MICAL3: variants seen among roughly 807,000 people sequenced by gnomAD.
The protein encoded by MICAL3 is [F-actin]-monooxygenase MICAL3.
In MICAL3, 62 loss-of-function variants were observed where a neutral mutation model predicts 207.4. That is an observed-to-expected ratio of 0.30 (90% CI 0.24 to 0.37). MICAL3 has a LOEUF of 0.37. Ranked by LOEUF, MICAL3 falls within the 10% of genes least tolerant of loss-of-function variation. The pLI, the probability that MICAL3 is intolerant of heterozygous loss-of-function variation, is 1.00. For missense variants in MICAL3, 2,368 were observed against 2,635.6 expected (o/e 0.90, Z 2.22); for synonymous variants, 1,077 against 1,069.3 (o/e 1.01, Z -0.14).
intron 1 of MICAL3, among the ~76,000 whole-genome samples, chr22:17,937,987 T>A (rs1388056444): frequency 6.6e-6 from 1 of 152,232 alleles, no homozygotes; most frequent in Non-Finnish European, 1.5e-5. Flanking sequence ...AAACATCCCT[T>A]TCTTGCAAGG....
At chr22:17,993,313 C>A (rs1386407005) in intron 1 of MICAL3, among the ~76,000 whole-genome samples, 1 of 151,810 alleles carries the variant, frequency 6.6e-6, no homozygotes. Context: ...AGGTTTGTTA[C>A]ATAGGTATAC....
chr22:17,936,666 C>T (rs771031171), intron 1 of MICAL3, among the ~76,000 whole-genome samples: 5 of 151,890 alleles, frequency 3.3e-5, no homozygotes, highest in Non-Finnish European at 5.9e-5. Context: ...TCTGTCAATG[C>T]CCACCTAAAG....
chr22:17,897,115 C>G, intron 7 of MICAL3, 134 bp from the exon 8 acceptor site: 1 of 924,780 alleles, frequency 1.1e-6, no homozygotes, highest in African/African-American at 1.7e-5. Context: ...AACTTTTATA[C>G]CATTAAAATG....
Position 17,892,348 on chromosome 22 carries a change from CA to C in MICAL3, c.1547-717del, listed in dbSNP as rs554429966. ...TCTTTAAAAATCCTATTATTAATCACATCAGAAGAGCTCTGATATCGGCCAT... is the reference window on the plus strand; with the variant it reads ...TCTTTAAAAATCCTATTATTAATCACTCAGAAGAGCTCTGATATCGGCCAT... On this transcript the variant is annotated intron_variant, in intron 11 of 31. Coordinates refer to ENST00000441493, the MANE Select transcript of MICAL3 (RefSeq NM_015241.3). Among the ~76,000 whole-genome samples, 134 of 152,324 alleles carry C rather than the reference CA, an allele frequency of 8.8e-4. 2 individuals are homozygous for C. The East Asian group carries it at 0.014, about 16-fold the overall frequency.
At chr22:17,856,519 T>C (rs1378280696) in intron 19 of MICAL3, among the ~76,000 whole-genome samples, 1 of 151,508 alleles carries the variant, frequency 6.6e-6, no homozygotes, top group Non-Finnish European at 1.5e-5. Flanking sequence ...CCAACGCCAA[T>C]GCCCCAAGAA....
At chr22:17,808,227 A>G (rs2062007996) in intron 29 of MICAL3, among the ~76,000 whole-genome samples, 1 of 152,246 alleles carries the variant, frequency 6.6e-6, no homozygotes, top group African/African-American at 2.4e-5. Flanking sequence ...AGTCACGAGC[A>G]CAGGGCCCTG....
chr22:17,875,881 G>C (rs902377661), intron 16 of MICAL3, among the ~76,000 whole-genome samples: 1 of 152,124 alleles, frequency 6.6e-6, no homozygotes, highest in East Asian at 1.9e-4. Context: ...CAGGGGGATG[G>C]CTTGTCGACT....
intron 1 of MICAL3, among the ~76,000 whole-genome samples, chr22:17,911,563 T>C (rs1932146204): frequency 6.6e-6 from 1 of 152,162 alleles, no homozygotes; most frequent in Admixed American, 6.5e-5. Flanking sequence ...CCAGGTGAGG[T>C]GGCTCATGCC....
intron 23 of MICAL3, among the ~76,000 whole-genome samples, chr22:17,822,729 C>G (rs532638795): frequency 6.6e-6 from 1 of 152,366 alleles, no homozygotes; most frequent in South Asian, 2.1e-4. Flanking sequence ...CAGGTTGGCT[C>G]AGGCACCCAG....
intron 17 of MICAL3, 117 bp from the exon 18 acceptor site, chr22:17,866,129 AC>A (rs1414058803): frequency 2.6e-6 from 2 of 761,268 alleles, no homozygotes; most frequent in African/African-American, 1.7e-5. Flanking sequence ...CCATCAAGCC[AC>A]CCAGCCTTCC....
At chr22:17,904,895 G>T (rs934542551) in intron 2 of MICAL3, 56 bp from the exon 3 acceptor site, 38 of 1,255,896 alleles carry the variant, frequency 3.0e-5, no homozygotes, top group Non-Finnish European at 3.8e-5. Context: ...CAATTCTCAA[G>T]AAGTCTCATG....
rs183932408 is a variant in MICAL3 at position 17,884,288 on chromosome 22, G to A, written c.2241+1590C>T. ...CAGTTCCTTTACCTGTTTCCACCGG[G>A]GGGTGGGGGCAGGGCGAACCTGCCC... On this transcript the variant is annotated intron_variant, in intron 16 of 31. Transcript: ENST00000441493. 137 of 1,589,226 alleles carry A rather than the reference G, an allele frequency of 8.6e-5. No homozygotes were observed. The African/African-American group carries it at 1.6e-3, about 18-fold the overall frequency.
intron 1 of MICAL3, chr22:18,001,159 G>T (rs1345367774): frequency 6.6e-6 from 1 of 152,142 alleles, no homozygotes; most frequent in South Asian, 2.1e-4. Flanking sequence ...GCGCCCCGCC[G>T]GCCGGACGCA....
At position 17,841,765 on chromosome 22, in the gene MICAL3, TGAG is replaced by T. The variant is rs1253220313; in HGVS notation, c.2801+54_2801+56del. ...GAGAAGAAACCGAGACACACAGAGG[TGAG>T]GAGGCTCTTAGGGCCGTGTGGCGGG... On this transcript the variant is annotated intron_variant, in intron 20 of 31. Coordinates refer to ENST00000441493, the MANE Select transcript of MICAL3 (RefSeq NM_015241.3). This position sits in a 1 kb window ranked among gnomAD's most constrained non-coding sequence, Gnocchi z 4.2. 4 of 1,509,678 alleles carry T rather than the reference TGAG, an allele frequency of 2.6e-6. No individual in the cohort carries two copies. The highest frequency in any genetic ancestry group is 3.6e-6 in the Non-Finnish European group (4 of 1,116,288). The allele number at this position is 1,509,678 out of a possible 1,614,324, so 93.5% of individuals were successfully genotyped here. A position where few individuals can be genotyped will look rare whatever the true frequency, so the allele number is the denominator to read the frequency against.
chr22:17,970,354 G>A (rs1459959316), intron 1 of MICAL3, among the ~76,000 whole-genome samples: 1 of 152,142 alleles, frequency 6.6e-6, no homozygotes, highest in Non-Finnish European at 1.5e-5. Context: ...GTCTGCCCCA[G>A]GGCCCACTGG....
At chr22:17,879,335 T>C (rs1929199945) in intron 16 of MICAL3, 5 of 1,604,716 alleles carry the variant, frequency 3.1e-6, no homozygotes, top group Non-Finnish European at 4.3e-6. Flanking sequence ...CACGGGTTCA[T>C]GCTCTTTTAC....
intron 27 of MICAL3, chr22:17,811,097 C>G: frequency 2.9e-6 from 1 of 349,036 alleles, no homozygotes; most frequent in East Asian, 5.2e-5. Context: ...TGCACAGGGA[C>G]AGGAGGCTGA....
At chr22:17,835,739 C>T (rs1055691978) in intron 20 of MICAL3, among the ~76,000 whole-genome samples, 5 of 152,206 alleles carry the variant, frequency 3.3e-5, no homozygotes, top group East Asian at 3.8e-4. Flanking sequence ...ATCACCTTGC[C>T]CTCCTCACAG....
At chr22:17,880,730 G>A (rs748833102) in intron 16 of MICAL3, among the ~76,000 whole-genome samples, 1 of 152,248 alleles carries the variant, frequency 6.6e-6, no homozygotes, top group Non-Finnish European at 1.5e-5. Flanking sequence ...AGTGCAGTGG[G>A]GAGGAGTGTT....
Sources: gnomAD v4.1 joint callset for allele counts (sites outside exome capture counted in the v4.1 genomes callset) on GRCh38, gnomAD v4.1.1 for gene constraint, Gnocchi (gnomAD v3.1) non-coding constraint, MANE v1.5 for transcripts, NCBI Gene and HGNC (gene_info 2026-07-23, HGNC 2026-07-21) for gene names.